The following LRP2BP variants were observed in gnomAD, a reference collection of about 807,000 sequenced individuals.
LRP2BP encodes LRP2-binding protein.
In LRP2BP, 38 loss-of-function variants were observed where a neutral mutation model predicts 45.2. The observed-to-expected ratio is 0.84, with a 90% CI of 0.65 to 1.10. The LOEUF is 1.10. Among genes scored for constraint, LRP2BP ranks in the 50% least tolerant of loss-of-function variants. The probability of loss-of-function intolerance (pLI) is 0.00; values close to 1 mark genes in which losing one functional copy is unlikely to be tolerated. For synonymous variants in LRP2BP, 153 were observed against 153.9 expected, an observed-to-expected ratio of 0.99 and a Z score of 0.04; for missense variants, 385 against 418.9, an observed-to-expected ratio of 0.92 and a Z score of 0.71.
chr4:185,396,592 G>A (rs2095503785), upstream of LRP2BP: 1 of 337,046 alleles, frequency 3.0e-6, no homozygotes. Context: ...CCGCCCCGAG[G>A]TGGGAGGGCC....
At chr4:185,390,200 A>T (rs1045895555) in intron 1 of LRP2BP, among the ~76,000 whole-genome samples, 1 of 152,104 alleles carries the variant, frequency 6.6e-6, no homozygotes, top group African/African-American at 2.4e-5. Context: ...TCTCACTCAT[A>T]TCTCATCAGT....
At chr4:185,389,904 TAAA>T (rs541339069) in intron 1 of LRP2BP, among the ~76,000 whole-genome samples, 1 of 151,962 alleles carries the variant, frequency 6.6e-6, no homozygotes, top group African/African-American at 2.4e-5. Context: ...CCAAAACGTG[TAAA>T]AAAAAGTTAT....
At chr4:185,379,361 T>G (rs897101120) in intron 1 of LRP2BP, among the ~76,000 whole-genome samples, 94 of 152,180 alleles carry the variant, frequency 6.2e-4, no homozygotes, top group African/African-American at 2.2e-3. Flanking sequence ...ACTGAAAGAT[T>G]GGATGTGGAA....
At chr4:185,372,483 T>C (rs1480691540) in intron 7 of LRP2BP, among the ~76,000 whole-genome samples, 1 of 152,238 alleles carries the variant, frequency 6.6e-6, no homozygotes, top group Non-Finnish European at 1.5e-5. Flanking sequence ...TGTGAAGGAT[T>C]TGGCATAGAA....
At chr4:185,397,174 G>T (rs754080309), upstream of LRP2BP, 1 of 1,613,722 alleles carries the variant, frequency 6.2e-7, no homozygotes, top group South Asian at 1.1e-5. Context: ...GCATTTGCTG[G>T]AGACAGGGGC....
chr4:185,381,247 G>A (rs1219312535), intron 1 of LRP2BP, among the ~76,000 whole-genome samples: 1 of 152,116 alleles, frequency 6.6e-6, no homozygotes, highest in African/African-American at 2.4e-5. Flanking sequence ...CATCCATTTT[G>A]TTGTGTTAGT....
In LRP2BP at chr4:185,375,653, C is replaced by A; in HGVS notation, c.290G>T (p.Gly97Val). The A allele has an allele frequency of 6.2e-7, 1 of 1,612,064 alleles. No individual in the cohort carries two copies. Among genetic ancestry groups the A allele is most frequent in the East Asian group, 2.2e-5 (1 of 44,774 alleles). The stretch of plus-strand genomic sequence containing the variant: ...CCCCAGCCCATCATAGTACATCACT[C>A]CTAGCTGGTAAGTTGCTTGATGGTC... ...EKDHQATYQLGVMYYDGLGTT... is the reference protein window; with the variant it reads ...EKDHQATYQLVVMYYDGLGTT... The change falls in exon 4 of 9, where the codon GGA becomes GTA. Residue 97 changes from glycine (G) to valine (V), a missense_variant. Coordinates refer to ENST00000505916, the MANE Select transcript of LRP2BP (RefSeq NM_001377440.1).
At chr4:185,394,269 A>T (rs992384536) in intron 1 of LRP2BP, among the ~76,000 whole-genome samples, 17 of 143,044 alleles carry the variant, frequency 1.2e-4, no homozygotes, top group African/African-American at 4.1e-4. Context: ...AGAGTTAAAA[A>T]AAAAAAAAAA....
At chr4:185,370,872 A>C in intron 7 of LRP2BP, 58 bp from the exon 8 acceptor site, 1 of 1,562,948 alleles carries the variant, frequency 6.4e-7, no homozygotes. Context: ...AGTGTTTGTA[A>C]AACGATGCGC....
chr4:185,396,873 T>C, upstream of LRP2BP: 1 of 1,602,454 alleles, frequency 6.2e-7, no homozygotes, highest in Non-Finnish European at 8.5e-7. Context: ...GCGGCGAGTG[T>C]CTCACCTCTC....
intron 7 of LRP2BP, 179 bp from the exon 8 acceptor site, chr4:185,370,993 G>C: frequency 5.2e-6 from 3 of 575,546 alleles, no homozygotes; most frequent in Middle Eastern, 4.6e-4. Flanking sequence ...GAGAAGATGA[G>C]CTTCCCAGAG....
chr4:185,370,559 A>C, intron 8 of LRP2BP, 81 bp downstream of exon 8: 3 of 1,425,200 alleles, frequency 2.1e-6, no homozygotes, highest in Non-Finnish European at 2.9e-6. Context: ...AAAAAACACT[A>C]ATCCGTAAAA....
At chr4:185,370,990 T>A (rs1231634485) in intron 7 of LRP2BP, 176 bp from the exon 8 acceptor site, 4 of 587,528 alleles carry the variant, frequency 6.8e-6, no homozygotes. Flanking sequence ...CAGGAGAAGA[T>A]GAGCTTCCCA....
rs930306788 is a variant in LRP2BP at position 185,395,908 on chromosome 4, A to G, written c.-1151T>C. The stretch of plus-strand genomic sequence containing the variant: ...TTTCTAAGCAGATCCTTCTGGAAAG[A>G]CGCTTAGGGAGAGTCTAGGGAGCAG... On this transcript the variant is annotated 5_prime_UTR_variant, in exon 1 of 9. Coordinates refer to ENST00000505916, the MANE Select transcript of LRP2BP (RefSeq NM_001377440.1). 71 of 985,320 alleles carry G rather than the reference A, an allele frequency of 7.2e-5. 1 individual carries two copies. The African/African-American group carries it at 1.1e-3, about 16-fold the overall frequency. The allele number at this position is 985,320 out of a possible 1,614,324, so 61.0% of individuals were successfully genotyped here.
In LRP2BP at chr4:185,364,637, TC is replaced by T. The variant is rs2095380139; in HGVS notation, c.*2542del. ...TTAAAAATTAGTAAACCAAATGTTATCCTTAAGATTTTTTTAGTTATAGCTT... is the reference window on the plus strand; with the variant it reads ...TTAAAAATTAGTAAACCAAATGTTATCTTAAGATTTTTTTAGTTATAGCTT... On this transcript the variant is annotated 3_prime_UTR_variant, in exon 9 of 9. Coordinates refer to ENST00000505916, the MANE Select transcript of LRP2BP (RefSeq NM_001377440.1). 6.6e-6 allele frequency: 1 copy of T among 152,192 alleles called. No individual in the cohort carries two copies. The highest frequency in any genetic ancestry group is 1.5e-5 in the Non-Finnish European group (1 of 68,036). The allele number at this position is 152,192 out of a possible 1,614,324, so 9.4% of individuals were successfully genotyped here.
chr4:185,375,761 T>C (rs757631049), intron 3 of LRP2BP, 35 bp from the exon 4 acceptor site: 5 of 1,431,746 alleles, frequency 3.5e-6, no homozygotes, highest in Non-Finnish European at 4.9e-6. Flanking sequence ...ATTATTTTTA[T>C]TATGATCTTA....
At chr4:185,378,769 C>T in intron 1 of LRP2BP, 1 of 985,482 alleles carries the variant, frequency 1.0e-6, no homozygotes, top group South Asian at 4.7e-5. Flanking sequence ...GTAGCGGTCA[C>T]CTCATTTGGG....
chr4:185,364,045 A>T lies in LRP2BP; in HGVS notation c.*3135T>A, dbSNP rs2095378040. The T allele has an allele frequency of 6.5e-6, 1 of 152,678 alleles. No homozygotes were observed. The highest frequency in any genetic ancestry group is 1.5e-5 in the Non-Finnish European group (1 of 68,074). The allele number at this position is 152,678 out of a possible 1,614,324, so 9.5% of individuals were successfully genotyped here. Reference sequence around the variant, plus strand: ...TACAGGCTGTTCAAATATTTATCAAATGCCTTTTTAGAGAAAACACTATGT... The same window carrying T: ...TACAGGCTGTTCAAATATTTATCAATTGCCTTTTTAGAGAAAACACTATGT... On this transcript the variant is annotated 3_prime_UTR_variant, in exon 9 of 9. Coordinates refer to ENST00000505916, the MANE Select transcript of LRP2BP (RefSeq NM_001377440.1).
intron 1 of LRP2BP, among the ~76,000 whole-genome samples, chr4:185,391,145 T>C (rs1340515326): frequency 6.6e-6 from 1 of 152,234 alleles, no homozygotes; most frequent in Non-Finnish European, 1.5e-5. Context: ...TCCTAAAGAA[T>C]GTCCCCAATC....
Sources: gnomAD v4.1 joint callset for allele counts (sites outside exome capture counted in the v4.1 genomes callset) on GRCh38, gnomAD v4.1.1 for gene constraint, MANE v1.5 for transcripts, NCBI Gene and HGNC (gene_info 2026-07-23, HGNC 2026-07-21) for gene names.